SARNP: variants seen among roughly 807,000 people sequenced by gnomAD.
SARNP encodes SAP domain-containing ribonucleoprotein.
A neutral mutation model predicts 38.1 loss-of-function variants in SARNP; 5 were observed. The ratio of observed to expected loss-of-function variants is 0.13; its 90% CI spans 0.07 to 0.28. SARNP has a LOEUF of 0.28. Among genes scored for constraint, SARNP ranks in the 10% least tolerant of loss-of-function variants. The pLI, the probability that SARNP is intolerant of heterozygous loss-of-function variation, is 1.00. For missense variants in SARNP, 180 were observed against 243.9 expected (o/e 0.74, Z 1.75); for synonymous variants, 84 against 80.6 (o/e 1.04, Z -0.23).
At chr12:55,813,817 T>A (rs1880404603) in intron 1 of SARNP, among the ~76,000 whole-genome samples, 4 of 152,336 alleles carry the variant, frequency 2.6e-5, no homozygotes, top group African/African-American at 7.2e-5. Context: ...GTACTGGGAT[T>A]ACAAGCGTGA....
chr12:55,770,669 A>G lies in SARNP; in HGVS notation c.502-10029T>C, dbSNP rs7296036. ...CAGCTGAATACCACAGATATTTTCT[A>G]AAGTGTCTGTTCCCTTTTTACAGCA... On this transcript the variant is annotated intron_variant, in intron 9 of 10. Coordinates refer to ENST00000336133, the MANE Select transcript of SARNP (RefSeq NM_033082.4). Among the ~76,000 whole-genome samples, 478 of 152,300 alleles carry G rather than the reference A, an allele frequency of 3.1e-3. 2 individuals are homozygous for G. The highest frequency in any genetic ancestry group is 0.011 in the African/African-American group (441 of 41,564).
rs142295250 is a variant in SARNP, at chr12:55,814,311, C to G, written c.36+3355G>C. 1.1e-3 allele frequency among the ~76,000 whole-genome samples: 175 copies of G among 152,316 alleles called. 7 individuals carry two copies. Among genetic ancestry groups the G allele is most frequent in the Admixed American group, 7.4e-3 (114 of 15,304 alleles). On this transcript the variant is annotated intron_variant, in intron 1 of 10. Coordinates refer to ENST00000336133, the MANE Select transcript of SARNP (RefSeq NM_033082.4). Reference sequence around the variant, plus strand: ...TTCTTACATGACAAAGGCCAGAAGTCCTTACATAACTTAGAAAGCCCTTTT... The same window carrying G: ...TTCTTACATGACAAAGGCCAGAAGTGCTTACATAACTTAGAAAGCCCTTTT...
At position 55,784,094 on chromosome 12, in the gene SARNP, A is replaced by G. The variant is rs1592567655; in HGVS notation, c.501+4981T>C. On this transcript the variant is annotated intron_variant, in intron 9 of 10. Coordinates refer to ENST00000336133, the MANE Select transcript of SARNP (RefSeq NM_033082.4). ...GTAAGTTGGATCAAGCAGACAACAG[A>G]GATGACAAAAAGTGGGTTTTTCATT... 7.3e-5 allele frequency among the ~76,000 whole-genome samples: 11 copies of G among 150,842 alleles called. No individual in the cohort carries two copies. The South Asian group carries it at 2.3e-3, about 31-fold the overall frequency.
At chr12:55,771,000 T>C (rs1456543389) in intron 9 of SARNP, among the ~76,000 whole-genome samples, 2 of 151,590 alleles carry the variant, frequency 1.3e-5, no homozygotes, top group African/African-American at 4.9e-5. Flanking sequence ...TGCAATGATG[T>C]GATCTCGGCT....
chr12:55,787,962 G>A (rs192093642), intron 9 of SARNP, among the ~76,000 whole-genome samples: 4 of 151,712 alleles, frequency 2.6e-5, no homozygotes, highest in African/African-American at 9.7e-5. Flanking sequence ...TGTTAGCCAG[G>A]ATGGTCTCAA....
intron 9 of SARNP, among the ~76,000 whole-genome samples, chr12:55,764,125 G>C (rs1364097505): frequency 6.6e-6 from 1 of 152,196 alleles, no homozygotes; most frequent in Non-Finnish European, 1.5e-5. Context: ...ATAAGTAACA[G>C]TATCTAGGAA....
Position 55,757,572 on chromosome 12 carries a change from A to T in SARNP, c.592-19T>A. The T allele has an allele frequency of 6.2e-7, 1 of 1,603,444 alleles. No homozygotes were observed. The highest frequency in any genetic ancestry group is 8.5e-7 in the Non-Finnish European group (1 of 1,176,634). On this transcript the variant is annotated intron_variant, in intron 10 of 10. Transcript: ENST00000336133. ...TCTTTGCCTGTAAAGAAGAAGCAAG[A>T]AGAAAAAAATTAGACTGAAGACAAT...
At chr12:55,798,023 A>G (rs964275189) in intron 4 of SARNP, among the ~76,000 whole-genome samples, 3 of 152,222 alleles carry the variant, frequency 2.0e-5, no homozygotes, top group Non-Finnish European at 1.5e-5. Context: ...AACCCACAGA[A>G]GCCAATTATC....
At chr12:55,801,744 A>G (rs1034537278) in intron 2 of SARNP, among the ~76,000 whole-genome samples, 2 of 152,070 alleles carry the variant, frequency 1.3e-5, no homozygotes, top group Non-Finnish European at 2.9e-5. Context: ...TAGCCTCCCA[A>G]GTAGGTAGGA....
intron 2 of SARNP, among the ~76,000 whole-genome samples, chr12:55,801,316 G>A (rs1293488994): frequency 6.6e-6 from 1 of 152,004 alleles, no homozygotes; most frequent in South Asian, 2.1e-4. Context: ...GGGGGTGTGC[G>A]CCTATAGTCT....
chr12:55,808,380 G>A (rs1880220400), intron 1 of SARNP, among the ~76,000 whole-genome samples: 1 of 151,596 alleles, frequency 6.6e-6, no homozygotes, highest in Admixed American at 6.6e-5. Flanking sequence ...GTGCAATGGC[G>A]TGATCTTGGC....
chr12:55,784,011 A>G (rs1879414731), intron 9 of SARNP, among the ~76,000 whole-genome samples: 1 of 152,194 alleles, frequency 6.6e-6, no homozygotes, highest in African/African-American at 2.4e-5. Flanking sequence ...CTTTATTCAT[A>G]TACTACACTG....
chr12:55,760,690 A>T, intron 9 of SARNP, 50 bp from the exon 10 acceptor site: 8 of 1,213,620 alleles, frequency 6.6e-6, no homozygotes, highest in South Asian at 1.2e-5. Flanking sequence ...TCCATTCACC[A>T]AGTAAATGGG....
intron 7 of SARNP, chr12:55,794,103 G>A: frequency 2.1e-6 from 1 of 471,758 alleles, no homozygotes; most frequent in South Asian, 2.3e-5. Flanking sequence ...AAGTACTAGA[G>A]AAACTTCTTT....
At chr12:55,779,911 C>A (rs1390686369) in intron 9 of SARNP, among the ~76,000 whole-genome samples, 2 of 152,144 alleles carry the variant, frequency 1.3e-5, no homozygotes, top group South Asian at 2.1e-4. Flanking sequence ...GTTTGCGAGA[C>A]CAAGGCGGGA....
intron 5 of SARNP, among the ~76,000 whole-genome samples, chr12:55,795,213 G>A (rs1181051270): frequency 6.6e-6 from 1 of 152,070 alleles, no homozygotes; most frequent in African/African-American, 2.4e-5. Flanking sequence ...GCCCACCTCA[G>A]CCTCCTAAAC....
chr12:55,776,257 A>T (rs1879177737), intron 9 of SARNP, among the ~76,000 whole-genome samples: 1 of 152,110 alleles, frequency 6.6e-6, no homozygotes, highest in Non-Finnish European at 1.5e-5. Context: ...TGGGCAAAAT[A>T]GGGAGACCCT....
chr12:55,780,213 G>A (rs1189343465), intron 9 of SARNP, among the ~76,000 whole-genome samples: 1 of 152,114 alleles, frequency 6.6e-6, no homozygotes, highest in Admixed American at 6.6e-5. Flanking sequence ...AGCACTTTGG[G>A]AGGCCAAGGT....
intron 10 of SARNP, among the ~76,000 whole-genome samples, chr12:55,759,293 A>C (rs1419603494): frequency 6.6e-6 from 1 of 152,110 alleles, no homozygotes; most frequent in East Asian, 1.9e-4. Context: ...TTTTATACAG[A>C]ATCGTTTCAC....
Sources: allele counts gnomAD v4.1 joint callset (sites outside exome capture counted in the v4.1 genomes callset), GRCh38; gene constraint gnomAD v4.1.1; transcripts MANE v1.5; gene names NCBI Gene and HGNC (gene_info 2026-07-23, HGNC 2026-07-21).